ESR1: variants seen among roughly 807,000 people sequenced by gnomAD.
ESR1 encodes the protein estrogen receptor 1.
A neutral mutation model predicts 52.7 loss-of-function variants in ESR1; 12 were observed. The ratio of observed to expected loss-of-function variants is 0.23; its 90% confidence interval spans 0.15 to 0.37. The LOEUF is 0.37. Among genes scored for constraint, ESR1 ranks in the 10% least tolerant of loss-of-function variants. ESR1 has a pLI of 1.00. For missense variants in ESR1, 584 were observed against 779.7 expected, an observed-to-expected ratio of 0.75 and a Z score of 2.99; for synonymous variants, 305 against 316.8, an observed-to-expected ratio of 0.96 and a Z score of 0.39.
intron 1 of ESR1, among the ~76,000 whole-genome samples, chr6:151,832,016 T>G (rs374214257): frequency 1.3e-5 from 2 of 152,216 alleles, no homozygotes; most frequent in Admixed American, 6.5e-5. Flanking sequence ...CTTCTGTACT[T>G]TTTAGGGATG....
At chr6:151,850,358 C>A (rs964830257) in intron 2 of ESR1, among the ~76,000 whole-genome samples, 2 of 146,722 alleles carry the variant, frequency 1.4e-5, no homozygotes, top group Admixed American at 6.9e-5. Context: ...GACACAAACA[C>A]AGAGAAGAGA....
intron 6 of ESR1, among the ~76,000 whole-genome samples, chr6:152,092,112 CA>C (rs1300860842): frequency 1.3e-5 from 2 of 152,228 alleles, no homozygotes; most frequent in Non-Finnish European, 2.9e-5. Flanking sequence ...CTGCCACCTC[CA>C]GGCCAACACC....
intron 1 of ESR1, among the ~76,000 whole-genome samples, chr6:151,820,649 A>T (rs1780411714): frequency 6.6e-6 from 1 of 152,164 alleles, no homozygotes; most frequent in Non-Finnish European, 1.5e-5. Flanking sequence ...TTGCTGATCA[A>T]TTTACTTGGC....
chr6:151,736,012 C>A (rs1034268692), intron 2 of ESR1, among the ~76,000 whole-genome samples: 1 of 152,170 alleles, frequency 6.6e-6, no homozygotes, highest in African/African-American at 2.4e-5. Flanking sequence ...TTGTAAGTTT[C>A]CTGAGGCCAC....
At chr6:151,848,437 C>T (rs1335693673) in intron 2 of ESR1, among the ~76,000 whole-genome samples, 9 of 139,544 alleles carry the variant, frequency 6.4e-5, no homozygotes, top group African/African-American at 2.4e-4. Context: ...ATGTAACTAA[C>T]CTGCACAATG....
At chr6:151,797,361 G>T (rs758116222) in intron 2 of ESR1, among the ~76,000 whole-genome samples, 1 of 152,152 alleles carries the variant, frequency 6.6e-6, no homozygotes, top group Non-Finnish European at 1.5e-5. Flanking sequence ...ATGCCAGAAG[G>T]GGTCAAAGAT....
chr6:152,021,123 A>G (rs1306764744), intron 5 of ESR1, among the ~76,000 whole-genome samples: 1 of 152,140 alleles, frequency 6.6e-6, no homozygotes, highest in Non-Finnish European at 1.5e-5. Context: ...GGAGATTAAT[A>G]TTTGAGTCAG....
At chr6:151,952,963 C>T (rs918431745) in intron 4 of ESR1, among the ~76,000 whole-genome samples, 6 of 152,202 alleles carry the variant, frequency 3.9e-5, no homozygotes, top group African/African-American at 7.2e-5. Context: ...CAAATATCCA[C>T]GTGAAGTTAT....
intron 2 of ESR1, among the ~76,000 whole-genome samples, chr6:151,720,073 T>A (rs572151302): frequency 4.2e-4 from 64 of 152,350 alleles, no homozygotes; most frequent in African/African-American, 1.4e-3. Flanking sequence ...TGAAATGTTA[T>A]GATCTGGGTA....
In ESR1 at chr6:152,094,377, G is replaced by T. The variant is rs373090156; in HGVS notation, c.1370-8G>T. The T allele has an allele frequency of 1.1e-5, 17 of 1,613,012 alleles. No individual in the cohort carries two copies. In the African/African-American group the frequency reaches 1.6e-4, roughly 15 times the overall value. On this transcript the variant is annotated splice_region_variant and splice_polypyrimidine_tract_variant and intron_variant, in intron 6 of 7. Coordinates refer to ENST00000206249, the MANE Select transcript of ESR1 (RefSeq NM_000125.4). This position sits in a 1 kb window ranked among gnomAD's most constrained non-coding sequence, Gnocchi z 4.6. ...CTTCTCTCTCTCACTCTCTCTCTGC[G>T]CATTCAGGAGTGTACACATTTCTGT...
intron 5 of ESR1, among the ~76,000 whole-genome samples, chr6:152,029,970 G>C (rs2044530107): frequency 6.6e-6 from 1 of 152,240 alleles, no homozygotes; most frequent in South Asian, 2.1e-4. Context: ...AGCCAGAAGA[G>C]AGTGGGGGCC....
chr6:151,838,793 C>T (rs1396684199), intron 1 of ESR1, among the ~76,000 whole-genome samples: 3 of 152,150 alleles, frequency 2.0e-5, no homozygotes, highest in South Asian at 2.1e-4. Context: ...GTAGTTTCCC[C>T]GTCTTCTTTA....
chr6:151,886,341 T>G (rs1793841338), intron 3 of ESR1, among the ~76,000 whole-genome samples: 2 of 152,192 alleles, frequency 1.3e-5, no homozygotes, highest in Admixed American at 1.3e-4. Flanking sequence ...AATCAATTGA[T>G]GTGCAGGACT....
intron 1 of ESR1, among the ~76,000 whole-genome samples, chr6:151,817,741 C>T (rs1186693294): frequency 6.6e-6 from 1 of 152,182 alleles, no homozygotes; most frequent in African/African-American, 2.4e-5. Context: ...TGCCAGTTAG[C>T]CTGTATAATT....
At chr6:151,977,945 C>A (rs1584601001) in intron 4 of ESR1, among the ~76,000 whole-genome samples, 3 of 98,708 alleles carry the variant, frequency 3.0e-5, no homozygotes, top group East Asian at 2.9e-4. Flanking sequence ...ATGAGTGAGA[C>A]AGCAGGAAAA....
At chr6:151,771,248 A>G (rs935202105) in intron 2 of ESR1, among the ~76,000 whole-genome samples, 6 of 152,190 alleles carry the variant, frequency 3.9e-5, no homozygotes, top group Non-Finnish European at 4.4e-5. Context: ...AATTGTATCC[A>G]TGCCTATTGT....
chr6:151,875,357 A>G (rs1341710886), intron 2 of ESR1, among the ~76,000 whole-genome samples: 7 of 151,948 alleles, frequency 4.6e-5, no homozygotes, highest in African/African-American at 9.7e-5. Flanking sequence ...CCTTTATAGA[A>G]CCCCAGTCAT....
intron 3 of ESR1, among the ~76,000 whole-genome samples, chr6:151,919,661 G>T (rs1479750944): frequency 6.6e-6 from 1 of 152,200 alleles, no homozygotes; most frequent in Non-Finnish European, 1.5e-5. Context: ...AAACATTAAA[G>T]TGTCAGCGGA....
chr6:151,933,375 A>G (rs953281490), intron 3 of ESR1, among the ~76,000 whole-genome samples: 36 of 151,224 alleles, frequency 2.4e-4, no homozygotes, highest in African/African-American at 8.5e-4. Context: ...GGGGTTTTCT[A>G]GATATACAAT....
Sources: allele counts gnomAD v4.1 joint callset (sites outside exome capture counted in the v4.1 genomes callset), GRCh38; gene constraint gnomAD v4.1.1; non-coding constraint Gnocchi (gnomAD v3.1); transcripts MANE v1.5; gene names NCBI Gene and HGNC (gene_info 2026-07-23, HGNC 2026-07-21).